The following CNTNAP2 variants were observed in gnomAD, a reference collection of about 807,000 sequenced individuals.
The protein encoded by CNTNAP2 is contactin-associated protein-like 2.
CNTNAP2 carries 98 observed loss-of-function variants against 155.2 expected under a neutral mutation model. The ratio of observed to expected loss-of-function variants is 0.63; its 90% CI spans 0.54 to 0.75. CNTNAP2 has a LOEUF of 0.75. Ranked by LOEUF, CNTNAP2 falls within the 30% of genes least tolerant of loss-of-function variation. CNTNAP2 has a pLI of 0.00. For synonymous variants in CNTNAP2, 651 were observed against 631.2 expected (o/e 1.03, Z -0.47); for missense variants, 1,727 against 1,688.1 (o/e 1.02, Z -0.40).
At chr7:147,931,968 C>A (rs1223101130) in intron 14 of CNTNAP2, among the ~76,000 whole-genome samples, 1 of 152,012 alleles carries the variant, frequency 6.6e-6, no homozygotes, top group Non-Finnish European at 1.5e-5. Context: ...TCACTGCAAC[C>A]TCCGCCTCCC....
intron 3 of CNTNAP2, among the ~76,000 whole-genome samples, chr7:146,933,124 C>T (rs920432955): frequency 2.0e-4 from 30 of 152,048 alleles, no homozygotes; most frequent in Admixed American, 4.6e-4. Context: ...GAGCCCGCAT[C>T]GCCAAGTCAA....
At chr7:146,795,845 A>T (rs1376525917) in intron 2 of CNTNAP2, among the ~76,000 whole-genome samples, 3 of 152,204 alleles carry the variant, frequency 2.0e-5, no homozygotes, top group Non-Finnish European at 2.9e-5. Flanking sequence ...GTGTATTAAA[A>T]ATATGCAGAG....
At chr7:147,995,858 C>G (rs1215090964) in intron 15 of CNTNAP2, among the ~76,000 whole-genome samples, 7 of 151,800 alleles carry the variant, frequency 4.6e-5, no homozygotes, top group Non-Finnish European at 1.0e-4. Flanking sequence ...AGACTGTGCT[C>G]TTTTCCCTTG....
At chr7:148,163,506 C>T (rs1468586932) in intron 17 of CNTNAP2, among the ~76,000 whole-genome samples, 1 of 152,178 alleles carries the variant, frequency 6.6e-6, no homozygotes, top group Non-Finnish European at 1.5e-5. Context: ...TATGGAAACC[C>T]AGTGTCCCTT....
intron 8 of CNTNAP2, among the ~76,000 whole-genome samples, chr7:147,174,920 G>A (rs950140369): frequency 3.9e-5 from 6 of 151,976 alleles, no homozygotes; most frequent in Admixed American, 3.9e-4. Context: ...AATAATAATG[G>A]AAACTGTCAT....
rs191085521 is a variant in CNTNAP2, at chr7:147,263,697, C to T, written c.1349-36444C>T. Among the ~76,000 whole-genome samples the T allele has an allele frequency of 5.3e-5, 8 of 152,276 alleles. No individual in the cohort carries two copies. In the East Asian group the frequency reaches 1.4e-3, roughly 26 times the overall value. ...TGTTCTCTACCCGGAAGGAGTGAAGCAGACTGAGGGGTCACGTGGTCCTAT... is the reference window on the plus strand; with the variant it reads ...TGTTCTCTACCCGGAAGGAGTGAAGTAGACTGAGGGGTCACGTGGTCCTAT... On this transcript the variant is annotated intron_variant, in intron 8 of 23. Transcript: ENST00000361727.
chr7:147,944,102 C>T (rs1206597230), intron 14 of CNTNAP2, among the ~76,000 whole-genome samples: 1 of 152,128 alleles, frequency 6.6e-6, no homozygotes, highest in Non-Finnish European at 1.5e-5. Flanking sequence ...TGTAGAAGTC[C>T]TACCTTTCAT....
intron 23 of CNTNAP2, among the ~76,000 whole-genome samples, chr7:148,410,405 A>G (rs1799807546): frequency 6.6e-6 from 1 of 152,072 alleles, no homozygotes; most frequent in Non-Finnish European, 1.5e-5. Flanking sequence ...CCCCATCTCT[A>G]AAAATACAAA....
intron 20 of CNTNAP2, among the ~76,000 whole-genome samples, chr7:148,247,280 T>A (rs1796278779): frequency 6.6e-6 from 1 of 152,156 alleles, no homozygotes; most frequent in Admixed American, 6.5e-5. Context: ...TAATTATACA[T>A]TTAAATATAT....
intron 11 of CNTNAP2, among the ~76,000 whole-genome samples, chr7:147,517,297 G>A (rs1440344746): frequency 6.6e-6 from 1 of 152,168 alleles, no homozygotes; most frequent in African/African-American, 2.4e-5. Flanking sequence ...AGCTCTGACT[G>A]TTAGGGTTAG....
chr7:148,414,108 C>G (rs920565346), intron 23 of CNTNAP2, among the ~76,000 whole-genome samples: 2 of 145,824 alleles, frequency 1.4e-5, no homozygotes, highest in South Asian at 2.2e-4. Flanking sequence ...GTCCCCCCCC[C>G]CCCCCTCACA....
At chr7:146,342,822 C>T (rs1290408431) in intron 1 of CNTNAP2, among the ~76,000 whole-genome samples, 2 of 152,172 alleles carry the variant, frequency 1.3e-5, no homozygotes, top group Non-Finnish European at 2.9e-5. Flanking sequence ...GACATGCTAA[C>T]ATTTTAGGGT....
At chr7:146,458,838 C>A (rs1027177742) in intron 1 of CNTNAP2, among the ~76,000 whole-genome samples, 1 of 152,100 alleles carries the variant, frequency 6.6e-6, no homozygotes, top group Non-Finnish European at 1.5e-5. Flanking sequence ...AAGAATTCTC[C>A]TTCACAATGC....
At chr7:146,174,993 A>C (rs1334383960) in intron 1 of CNTNAP2, among the ~76,000 whole-genome samples, 1 of 152,232 alleles carries the variant, frequency 6.6e-6, no homozygotes, top group Non-Finnish European at 1.5e-5. Context: ...CCAGGATTAC[A>C]TGGAGCACAA....
intron 1 of CNTNAP2, among the ~76,000 whole-genome samples, chr7:146,547,986 CA>C (rs1798054906): frequency 6.6e-6 from 1 of 151,720 alleles, no homozygotes; most frequent in Non-Finnish European, 1.5e-5. Context: ...ATTTTAAGTT[CA>C]GGGGTACATG....
intron 1 of CNTNAP2, among the ~76,000 whole-genome samples, chr7:146,694,887 C>T (rs902233167): frequency 6.6e-6 from 1 of 151,994 alleles, no homozygotes; most frequent in Non-Finnish European, 1.5e-5. Context: ...ATTTTAAATT[C>T]TGAGTGTTCA....
At chr7:147,586,085 G>A (rs943371812) in intron 12 of CNTNAP2, among the ~76,000 whole-genome samples, 1 of 152,038 alleles carries the variant, frequency 6.6e-6, no homozygotes, top group African/African-American at 2.4e-5. Context: ...CCAGGTTATA[G>A]GTAAATTAAA....
chr7:146,275,526 T>C (rs1203808970), intron 1 of CNTNAP2, among the ~76,000 whole-genome samples: 1 of 152,212 alleles, frequency 6.6e-6, no homozygotes, highest in Non-Finnish European at 1.5e-5. Context: ...TCTGTATTTC[T>C]GTAAATGATT....
chr7:147,202,796 G>C (rs1826844), intron 8 of CNTNAP2, among the ~76,000 whole-genome samples: 1 of 151,892 alleles, frequency 6.6e-6, no homozygotes, highest in Non-Finnish European at 1.5e-5. Flanking sequence ...AGGGCCTGTA[G>C]GGGGGTAGGG....
Sources: allele counts gnomAD v4.1 joint callset (sites outside exome capture counted in the v4.1 genomes callset), GRCh38; gene constraint gnomAD v4.1.1; transcripts MANE v1.5; gene names NCBI Gene and HGNC (gene_info 2026-07-23, HGNC 2026-07-21).